The following RRM2 variants were observed in gnomAD, a reference collection of about 807,000 sequenced individuals.
RRM2 encodes ribonucleotide reductase regulatory subunit M2, also known as ribonucleoside-diphosphate reductase subunit M2.
RRM2 carries 6 observed loss-of-function variants against 45.9 expected under a neutral mutation model. That is an observed-to-expected ratio of 0.13 (90% CI 0.07 to 0.26). The LOEUF is 0.26. RRM2 is among the 10% of genes least tolerant of loss of function. The pLI, the probability that RRM2 is intolerant of heterozygous loss-of-function variation, is 1.00. For missense variants in RRM2, 343 were observed against 489.5 expected, an observed-to-expected ratio of 0.70 and a Z score of 2.82; for synonymous variants, 177 against 173.0, an observed-to-expected ratio of 1.02 and a Z score of -0.18.
Position 10,176,900 on chromosome 2 carries a change from G to A in RRM2, n.483-33411G>A, listed in dbSNP as rs181695003. ...ATGGAATTGCTGGGTCATAGGGTAG[G>A]CAATTGTTTCACTTTAGTAGATATT... On this transcript the variant is annotated intron_variant and non_coding_transcript_variant, in intron 3 of 3. Coordinates refer to the RRM2 transcript ENST00000381786. Among the ~76,000 whole-genome samples, 429 of 152,242 alleles carry A rather than the reference G, an allele frequency of 2.8e-3. 3 individuals carry two copies. The highest frequency in any genetic ancestry group is 0.025 in the Admixed American group (380 of 15,274).
intron 3 of RRM2, among the ~76,000 whole-genome samples, chr2:10,146,433 C>T (rs560364148): frequency 3.9e-5 from 6 of 152,196 alleles, no homozygotes; most frequent in Admixed American, 2.6e-4. Flanking sequence ...TAGGGTGGGG[C>T]GCCTCTGCTC....
At chr2:10,175,620 C>CA (rs1259232593) in intron 3 of RRM2, among the ~76,000 whole-genome samples, 1 of 152,196 alleles carries the variant, frequency 6.6e-6, no homozygotes. Flanking sequence ...GTTTTTGAGA[C>CA]AGAGTCTCGC....
chr2:10,143,869 T>C (rs925499973), intron 3 of RRM2, among the ~76,000 whole-genome samples: 4 of 152,212 alleles, frequency 2.6e-5, no homozygotes, highest in Non-Finnish European at 5.9e-5. Flanking sequence ...GGTTTCACCA[T>C]GTTGGCCAGG....
intron 3 of RRM2, among the ~76,000 whole-genome samples, chr2:10,157,608 C>CT (rs1359133911): frequency 1.8e-4 from 28 of 152,172 alleles, no homozygotes; most frequent in African/African-American, 6.0e-4. Flanking sequence ...TTTTGGTGCC[C>CT]TTTTTTGGCT....
intron 3 of RRM2, among the ~76,000 whole-genome samples, chr2:10,147,684 T>A (rs956756463): frequency 6.6e-6 from 1 of 152,250 alleles, no homozygotes; most frequent in Non-Finnish European, 1.5e-5. Flanking sequence ...ATAGTATGTT[T>A]CCTACTAAAA....
At chr2:10,135,165 ATGG>A (rs1176757793), downstream of RRM2, among the ~76,000 whole-genome samples, 2 of 152,160 alleles carry the variant, frequency 1.3e-5, no homozygotes, top group Non-Finnish European at 2.9e-5. Flanking sequence ...CCAAAAGAGG[ATGG>A]TGATGAGCAG....
intron 3 of RRM2, among the ~76,000 whole-genome samples, chr2:10,159,863 A>T (rs1663519928): frequency 6.6e-6 from 1 of 152,072 alleles, no homozygotes; most frequent in Non-Finnish European, 1.5e-5. Context: ...TAGCCTCACG[A>T]TTGTGCTTTC....
chr2:10,171,845 C>T lies in RRM2; in HGVS notation n.482+29470C>T, dbSNP rs890246622. ...TATGTGTCAGGCACTGTTCTGGACACGAGGTCTCAGGAACAAACAAAATAT... is the reference window on the plus strand; with the variant it reads ...TATGTGTCAGGCACTGTTCTGGACATGAGGTCTCAGGAACAAACAAAATAT... On this transcript the variant is annotated intron_variant and non_coding_transcript_variant, in intron 3 of 3. Coordinates refer to the RRM2 transcript ENST00000381786. The surrounding 1 kb of genome is among the most constrained non-coding windows in gnomAD (Gnocchi z 4.1). 6.6e-6 allele frequency among the ~76,000 whole-genome samples: 1 copy of T among 152,188 alleles called. No homozygotes were observed. The highest frequency in any genetic ancestry group is 2.4e-5 in the African/African-American group (1 of 41,430).
At chr2:10,158,145 G>C (rs1215725820) in intron 3 of RRM2, among the ~76,000 whole-genome samples, 1 of 151,942 alleles carries the variant, frequency 6.6e-6, no homozygotes, top group Non-Finnish European at 1.5e-5. Flanking sequence ...TTGATTTTAC[G>C]GATGAAAAAA....
chr2:10,152,901 A>C (rs1663343707), intron 3 of RRM2, among the ~76,000 whole-genome samples: 1 of 152,206 alleles, frequency 6.6e-6, no homozygotes, highest in South Asian at 2.1e-4. Context: ...TTTCTAAATA[A>C]ATAAAAAATA....
chr2:10,172,357 C>G lies in RRM2; in HGVS notation n.482+29982C>G, dbSNP rs921158433. 2.6e-5 allele frequency among the ~76,000 whole-genome samples: 4 copies of G among 152,106 alleles called. No homozygotes were observed. Among genetic ancestry groups the G allele is most frequent in the African/African-American group, 9.7e-5 (4 of 41,412 alleles). ...TCTGCTGCCTCCATCTGACCCTGCT[C>G]CGGAGGGACCAGGGGAGGGGCGGAC... On this transcript the variant is annotated intron_variant and non_coding_transcript_variant, in intron 3 of 3. Coordinates refer to the RRM2 transcript ENST00000381786. This position sits in a 1 kb window ranked among gnomAD's most constrained non-coding sequence, Gnocchi z 4.9.
intron 3 of RRM2, among the ~76,000 whole-genome samples, chr2:10,182,060 C>T (rs551220910): frequency 6.6e-6 from 1 of 152,102 alleles, no homozygotes. Context: ...GCCACTGTGC[C>T]TGGCTCTTTT....
chr2:10,199,790 A>ACAAAC (rs1553329361), intron 3 of RRM2, among the ~76,000 whole-genome samples: 1 of 71,814 alleles, frequency 1.4e-5, no homozygotes, highest in African/African-American at 4.6e-5. Flanking sequence ...AAAAAAAAAA[A>ACAAAC]AAAAAAAAAA....
At chr2:10,174,595 A>G (rs1663874781) in intron 3 of RRM2, among the ~76,000 whole-genome samples, 1 of 146,976 alleles carries the variant, frequency 6.8e-6, no homozygotes, top group African/African-American at 2.5e-5. Context: ...AAAAAAGGCT[A>G]GGTATGGTGG....
chr2:10,122,842 A>C lies in RRM2; in HGVS notation c.44A>C (p.Gln15Pro), dbSNP rs1229594399. 6.2e-6 allele frequency: 10 copies of C among 1,601,718 alleles called. No individual in the cohort carries two copies. The highest frequency in any genetic ancestry group is 3.4e-5 in the South Asian group (3 of 88,904). ...CCGCTCGCGCCCATCACGGACCCGC[A>C]GCAGCTGCAGCTCTCGCCGCTGAAG... Reference protein sequence around the residue: ...RVPLAPITDPQQLQLSPLKGL... With the variant: ...RVPLAPITDPPQLQLSPLKGL... Residue 15 changes from glutamine to proline, a missense_variant, in exon 1 of 10, where the codon CAG (glutamine) becomes CCG (proline). Gln to Pro is a moderately conservative substitution (Grantham distance 76). Transcript: ENST00000304567.
upstream of RRM2, among the ~76,000 whole-genome samples, chr2:10,136,830 C>T (rs1216694967): frequency 2.6e-5 from 4 of 152,126 alleles, no homozygotes; most frequent in African/African-American, 9.7e-5. Flanking sequence ...AACCAGGACC[C>T]CATGAGCCAC....
intron 3 of RRM2, among the ~76,000 whole-genome samples, chr2:10,164,642 A>C (rs546187236): frequency 1.3e-5 from 2 of 152,318 alleles, no homozygotes; most frequent in South Asian, 2.1e-4. Flanking sequence ...GAAGAGACAG[A>C]AACTTAAGGG....
chr2:10,176,684 AG>A (rs1663921267), intron 3 of RRM2, among the ~76,000 whole-genome samples: 1 of 152,344 alleles, frequency 6.6e-6, no homozygotes, highest in Non-Finnish European at 1.5e-5. Flanking sequence ...GTACAGCACA[AG>A]TTTGTTTCTT....
At chr2:10,180,942 T>A (rs12476973) in intron 3 of RRM2, among the ~76,000 whole-genome samples, 47,696 of 151,780 alleles carry the variant, frequency 0.31, 7,733 homozygotes, top group South Asian at 0.49. Context: ...GATTTTTGTA[T>A]TTTTAGTAGA....
Sources: allele counts gnomAD v4.1 joint callset (sites outside exome capture counted in the v4.1 genomes callset), GRCh38; gene constraint gnomAD v4.1.1; non-coding constraint Gnocchi (gnomAD v3.1); transcripts MANE v1.5; gene names NCBI Gene and HGNC (gene_info 2026-07-23, HGNC 2026-07-21).